The following MALRD1 variants were observed in gnomAD, a reference collection of about 807,000 sequenced individuals.
MALRD1 encodes the protein MAM and LDL receptor class A domain containing 1, also known as MAM and LDL-receptor class A domain-containing protein 1.
Under a neutral mutation model 242.1 loss-of-function variants are expected in MALRD1, and 247 were observed. The ratio of observed to expected loss-of-function variants is 1.02; its 90% CI spans 0.92 to 1.13. The LOEUF (loss-of-function observed/expected upper bound fraction) is 1.13. Ranked by LOEUF, MALRD1 falls within the 50% of genes most tolerant of loss-of-function variation. The pLI is 0.00. For missense variants in MALRD1, 2,989 were observed against 2,533.1 expected (o/e 1.18, Z -3.86); for synonymous variants, 995 against 866.6 (o/e 1.15, Z -2.60).
chr10:19,333,773 A>C (rs1329070089), intron 24 of MALRD1, among the ~76,000 whole-genome samples: 4 of 151,688 alleles, frequency 2.6e-5, no homozygotes, highest in African/African-American at 9.7e-5. Flanking sequence ...AGCAGTGTGT[A>C]AGCTTTGCCT....
At chr10:19,731,496 G>A in intron 39 of MALRD1, among the ~76,000 whole-genome samples, 1 of 150,856 alleles carries the variant, frequency 6.6e-6, no homozygotes, top group South Asian at 2.1e-4. Flanking sequence ...TTTACTTTGT[G>A]TGTGTGTGTG....
At chr10:19,530,142 T>G (rs550484887) in intron 31 of MALRD1, among the ~76,000 whole-genome samples, 13 of 151,288 alleles carry the variant, frequency 8.6e-5, no homozygotes, top group African/African-American at 2.7e-4. Context: ...TTGTAACTAA[T>G]GTAACACACT....
intron 29 of MALRD1, among the ~76,000 whole-genome samples, chr10:19,487,199 G>A (rs765304939): frequency 2.6e-5 from 4 of 151,840 alleles, no homozygotes; most frequent in Non-Finnish European, 5.9e-5. Flanking sequence ...TTCATTTCAT[G>A]TATTTGACAA....
At chr10:19,535,223 T>A (rs969809441) in intron 32 of MALRD1, among the ~76,000 whole-genome samples, 2 of 152,260 alleles carry the variant, frequency 1.3e-5, no homozygotes, top group African/African-American at 4.8e-5. Flanking sequence ...TAGTAAATAT[T>A]GGAAACCACG....
At chr10:19,052,043 G>T in intron 1 of MALRD1, 3 of 378,996 alleles carry the variant, frequency 7.9e-6, no homozygotes, top group South Asian at 2.2e-5. Context: ...AAATTAATAT[G>T]AATGGAGTTA....
chr10:19,574,690 C>G (rs1003420637), intron 33 of MALRD1, among the ~76,000 whole-genome samples: 1 of 152,026 alleles, frequency 6.6e-6, no homozygotes, highest in Non-Finnish European at 1.5e-5. Flanking sequence ...GTTATGTCAC[C>G]GGGGAAGTGA....
chr10:19,321,527 A>G (rs981084365), intron 21 of MALRD1, among the ~76,000 whole-genome samples: 2 of 152,190 alleles, frequency 1.3e-5, no homozygotes, highest in Non-Finnish European at 2.9e-5. Flanking sequence ...ATAGCTCCAG[A>G]GTACATGTGA....
intron 18 of MALRD1, among the ~76,000 whole-genome samples, chr10:19,229,548 G>T (rs981186989): frequency 3.3e-5 from 5 of 152,038 alleles, no homozygotes; most frequent in Non-Finnish European, 5.9e-5. Flanking sequence ...CTTCTAACTT[G>T]ATTTGCATTT....
chr10:19,567,601 A>T lies in MALRD1; in HGVS notation c.5578A>T (p.Asn1860Tyr). Residue 1860 changes from asparagine (N) to tyrosine (Y), a missense_variant, in exon 33 of 40, where the codon AAC becomes TAC. Transcript: ENST00000454679. ...ATATGGCTCTGTGCCTCTCTCCAGT[A>T]ACAGTCCGTTTAAGGTGGCATTTGA... ...WTYGSVPLSS[N>Y]SPFKVAFEAD... is the part of the protein sequence containing the mutation. 3.9e-6 allele frequency: 6 copies of T among 1,550,624 alleles called. No individual in the cohort carries two copies. Among genetic ancestry groups the T allele is most frequent in the Non-Finnish European group, 4.4e-6 (5 of 1,146,978 alleles).
intron 38 of MALRD1, among the ~76,000 whole-genome samples, chr10:19,711,617 T>C (rs1834122909): frequency 6.6e-6 from 1 of 152,194 alleles, no homozygotes; most frequent in African/African-American, 2.4e-5. Flanking sequence ...CCTAGACTCA[T>C]GGATTGAAAT....
intron 21 of MALRD1, among the ~76,000 whole-genome samples, chr10:19,315,621 A>G (rs1268748863): frequency 1.7e-5 from 2 of 116,834 alleles, no homozygotes; most frequent in Admixed American, 9.4e-5. Context: ...TATTTATATA[A>G]ATTATAAATA....
chr10:19,504,663 CATTT>C (rs753376432), intron 31 of MALRD1, among the ~76,000 whole-genome samples: 10 of 128,706 alleles, frequency 7.8e-5, no homozygotes, highest in Non-Finnish European at 1.6e-4. Flanking sequence ...TATTGTAACA[CATTT>C]TTTTTTTTTT....
chr10:19,246,758 A>C (rs1468502540), intron 18 of MALRD1, among the ~76,000 whole-genome samples: 1 of 152,136 alleles, frequency 6.6e-6, no homozygotes. Context: ...AGTAATTCCC[A>C]GTTTTCAGGG....
intron 36 of MALRD1, among the ~76,000 whole-genome samples, chr10:19,646,004 G>C (rs1298708619): frequency 1.3e-5 from 2 of 152,034 alleles, no homozygotes; most frequent in Admixed American, 1.3e-4. Flanking sequence ...TTGTTCTTGT[G>C]AACTAAATGT....
intron 10 of MALRD1, among the ~76,000 whole-genome samples, chr10:19,138,515 G>A (rs1833434692): frequency 6.6e-6 from 1 of 151,056 alleles, no homozygotes; most frequent in Non-Finnish European, 1.5e-5. Context: ...CCACTTCCCG[G>A]GTTCAAGTGA....
At chr10:19,221,380 A>G (rs946532127) in intron 18 of MALRD1, among the ~76,000 whole-genome samples, 7 of 152,162 alleles carry the variant, frequency 4.6e-5, no homozygotes, top group African/African-American at 1.7e-4. Context: ...TAGAATTTGC[A>G]TTGAAAGGTT....
intron 21 of MALRD1, among the ~76,000 whole-genome samples, chr10:19,308,403 T>TA (rs1391023854): frequency 6.6e-6 from 1 of 151,548 alleles, no homozygotes; most frequent in Non-Finnish European, 1.5e-5. Flanking sequence ...TACAGTGATG[T>TA]AAAATACTAG....
chr10:19,223,313 TCA>T (rs1216563030), intron 18 of MALRD1, among the ~76,000 whole-genome samples: 1 of 152,166 alleles, frequency 6.6e-6, no homozygotes, highest in Non-Finnish European at 1.5e-5. Context: ...GAAGCTCTTT[TCA>T]GAAATTATTT....
intron 24 of MALRD1, among the ~76,000 whole-genome samples, chr10:19,345,480 TC>T (rs1212289554): frequency 6.6e-6 from 1 of 151,974 alleles, no homozygotes. Context: ...TGACATCTAC[TC>T]CCCAGTCCTT....
Sources: gnomAD v4.1 joint callset for allele counts (sites outside exome capture counted in the v4.1 genomes callset) on GRCh38, gnomAD v4.1.1 for gene constraint, MANE v1.5 for transcripts, NCBI Gene and HGNC (gene_info 2026-07-23, HGNC 2026-07-21) for gene names.